Variants in UBAC2 observed in about 807,000 individuals in gnomAD.
UBAC2 encodes UBA domain containing 2.
In UBAC2, 26 loss-of-function variants were observed where a neutral mutation model predicts 44.0. That is an observed-to-expected ratio of 0.59 (90% CI 0.43 to 0.82). The LOEUF (loss-of-function observed/expected upper bound fraction) is 0.82, where lower values mean the gene tolerates loss of function less well. UBAC2 is among the 40% of genes least tolerant of loss of function. UBAC2 has a pLI of 0.00. For synonymous variants in UBAC2, 155 were observed against 154.3 expected (o/e 1.00, Z -0.04); for missense variants, 329 against 419.4 (o/e 0.78, Z 1.88).
At chr13:99,201,650 C>G in intron 1 of UBAC2, 1 of 1,472,434 alleles carries the variant, frequency 6.8e-7, no homozygotes, top group Non-Finnish European at 9.3e-7. Context: ...AGGTAGACTG[C>G]GTGTTAACAG....
chr13:99,246,568 A>G (rs1363726359), intron 4 of UBAC2, among the ~76,000 whole-genome samples: 1 of 152,198 alleles, frequency 6.6e-6, no homozygotes, highest in Non-Finnish European at 1.5e-5. Flanking sequence ...ATTCTTATTT[A>G]CACTGTCTCC....
intron 4 of UBAC2, among the ~76,000 whole-genome samples, chr13:99,291,857 AC>A (rs2044092850): frequency 6.6e-6 from 1 of 152,220 alleles, no homozygotes; most frequent in Admixed American, 6.5e-5. Flanking sequence ...TACAAAACAT[AC>A]GTTATCAATT....
rs797016884 is a variant in UBAC2, at chr13:99,365,767, GA to G, written c.808-2017del. 5.9e-5 allele frequency among the ~76,000 whole-genome samples: 9 copies of G among 152,210 alleles called. No individual in the cohort carries two copies. In the South Asian group the frequency reaches 1.7e-3, roughly 28 times the overall value. The stretch of plus-strand genomic sequence containing the variant: ...AATGCAAGGTATATATGTCCATTCA[GA>G]AATAAACTTGTTATTTTTTATATTA... On this transcript the variant is annotated intron_variant, in intron 7 of 8. Transcript: ENST00000403766.
At chr13:99,208,359 G>A (rs1418872687) in intron 1 of UBAC2, among the ~76,000 whole-genome samples, 2 of 152,082 alleles carry the variant, frequency 1.3e-5, no homozygotes, top group African/African-American at 4.8e-5. Context: ...AAGCTGTCAG[G>A]CCTTGTGACT....
rs745900708 is a variant in UBAC2, at chr13:99,295,841, G to C, written c.390-18256G>C. The C allele has an allele frequency of 2.5e-6, 4 of 1,605,972 alleles. No homozygotes were observed. Among genetic ancestry groups the C allele is most frequent in the Non-Finnish European group, 3.4e-6 (4 of 1,174,728 alleles). On this transcript the variant is annotated intron_variant, in intron 4 of 8. Transcript: ENST00000403766. The surrounding 1 kb of genome is among the most constrained non-coding windows in gnomAD (Gnocchi z 4.1). ...CACTAGCGCAGTTATCCTACACAAG[G>C]CATCTCCGATTCTCCAGTCAAAGCC...
chr13:99,242,717 TG>T (rs1421655641), intron 2 of UBAC2, among the ~76,000 whole-genome samples: 2 of 131,192 alleles, frequency 1.5e-5, no homozygotes, highest in Non-Finnish European at 3.2e-5. Context: ...ACGGGGCGGC[TG>T]GCCTGGCCGG....
intron 4 of UBAC2, among the ~76,000 whole-genome samples, chr13:99,267,863 C>CA (rs2043763793): frequency 6.6e-6 from 1 of 152,200 alleles, no homozygotes; most frequent in African/African-American, 2.4e-5. Flanking sequence ...AAACCGCTGA[C>CA]ACAGTGGCTC....
chr13:99,235,519 C>T (rs2043222934), intron 1 of UBAC2, among the ~76,000 whole-genome samples: 1 of 152,136 alleles, frequency 6.6e-6, no homozygotes, highest in Non-Finnish European at 1.5e-5. Flanking sequence ...TACTGCCTGA[C>T]TTCAAAATAT....
In UBAC2 at chr13:99,352,634, C is replaced by A. The variant is rs184968764; in HGVS notation, c.807+12069C>A. Among the ~76,000 whole-genome samples the A allele has an allele frequency of 7.4e-4, 109 of 147,062 alleles. 2 individuals are homozygous for A. In the East Asian group the frequency reaches 0.02, roughly 27 times the overall value. On this transcript the variant is annotated intron_variant, in intron 7 of 8. Transcript: ENST00000403766. The stretch of plus-strand genomic sequence containing the variant: ...GCTTCCTTAGGAAGCTTCCTGTTGC[C>A]TCTTGGCCTCACCAGTGCTACCATT...
At position 99,295,683 on chromosome 13, in the gene UBAC2, C is replaced by G; in HGVS notation, c.390-18414C>G. ...GTCTGAGCAAATACTAGAATCCAGA[C>G]AAATATGCACACGCCTTTTGCATGT... On this transcript the variant is annotated intron_variant, in intron 4 of 8. Transcript: ENST00000403766. This position sits in a 1 kb window ranked among gnomAD's most constrained non-coding sequence, Gnocchi z 4.1. 1 of 1,614,128 alleles carries G rather than the reference C, an allele frequency of 6.2e-7. No individual in the cohort carries two copies. Among genetic ancestry groups the G allele is most frequent in the Non-Finnish European group, 8.5e-7 (1 of 1,180,032 alleles).
intron 4 of UBAC2, among the ~76,000 whole-genome samples, chr13:99,263,035 T>G (rs943732397): frequency 6.6e-6 from 1 of 152,204 alleles, no homozygotes; most frequent in Admixed American, 6.5e-5. Context: ...CTGCAAAGTA[T>G]GTAGTTTACA....
In UBAC2 at chr13:99,201,077, G is replaced by A. The variant is rs912014649; in HGVS notation, c.31+138G>A. ...CCCTCCAGACCCGCGTCCGAACCCT[G>A]CTAGTTCCCGGTCTTGGGGGTCAGC... On this transcript the variant is annotated intron_variant, in intron 1 of 8. Transcript: ENST00000403766. 11 of 1,340,720 alleles carry A rather than the reference G, an allele frequency of 8.2e-6. No homozygotes were observed. The African/African-American group carries it at 1.2e-4, about 14-fold the overall frequency. 83.1% of individuals were successfully genotyped at this position (1,340,720 alleles called of 1,614,324 possible).
chr13:99,339,158 A>G (rs1389181760), intron 6 of UBAC2, among the ~76,000 whole-genome samples: 1 of 152,182 alleles, frequency 6.6e-6, no homozygotes, highest in Non-Finnish European at 1.5e-5. Context: ...AAGATATCTA[A>G]TAGACACTCC....
intron 8 of UBAC2, among the ~76,000 whole-genome samples, chr13:99,382,345 T>C (rs937417522): frequency 2.6e-5 from 4 of 152,218 alleles, no homozygotes; most frequent in African/African-American, 9.7e-5. Context: ...CTTGACAGCA[T>C]TTTATGTGAA....
intron 4 of UBAC2, among the ~76,000 whole-genome samples, chr13:99,277,662 A>G (rs550302553): frequency 6.6e-6 from 1 of 152,356 alleles, no homozygotes; most frequent in East Asian, 1.9e-4. Context: ...ACATTTTATT[A>G]AGGCCATTTT....
At chr13:99,255,908 T>C in intron 4 of UBAC2, 1 of 1,489,922 alleles carries the variant, frequency 6.7e-7, no homozygotes, top group East Asian at 2.3e-5. Context: ...ACTTAGAAAC[T>C]GTAAAAATAG....
intron 4 of UBAC2, among the ~76,000 whole-genome samples, chr13:99,302,304 T>C (rs1246089054): frequency 6.6e-6 from 1 of 152,104 alleles, no homozygotes; most frequent in Non-Finnish European, 1.5e-5. Flanking sequence ...AGAAATAAAA[T>C]CATTGGAAAG....
intron 4 of UBAC2, among the ~76,000 whole-genome samples, chr13:99,247,375 C>T (rs555846663): frequency 4.6e-5 from 7 of 151,470 alleles, no homozygotes; most frequent in African/African-American, 1.2e-4. Context: ...CTACCACGCC[C>T]GGCTAATTTT....
At chr13:99,380,284 T>G (rs990187021) in intron 8 of UBAC2, among the ~76,000 whole-genome samples, 2 of 152,212 alleles carry the variant, frequency 1.3e-5, no homozygotes, top group African/African-American at 2.4e-5. Context: ...CAATTTCGTC[T>G]TTCTGTAATT....
Sources: allele counts gnomAD v4.1 joint callset (sites outside exome capture counted in the v4.1 genomes callset), GRCh38; gene constraint gnomAD v4.1.1; non-coding constraint Gnocchi (gnomAD v3.1); transcripts MANE v1.5; gene names NCBI Gene and HGNC (gene_info 2026-07-23, HGNC 2026-07-21).